CDH18: variants seen among roughly 807,000 people sequenced by gnomAD.
CDH18 encodes cadherin 18, also known as cadherin-18.
A neutral mutation model predicts 67.9 loss-of-function variants in CDH18; 31 were observed. The ratio of observed to expected loss-of-function variants is 0.46; its 90% CI spans 0.34 to 0.62. The LOEUF (loss-of-function observed/expected upper bound fraction) is 0.62. Among genes scored for constraint, CDH18 ranks in the 20% least tolerant of loss-of-function variants. CDH18 has a pLI of 0.01. For synonymous variants in CDH18, 362 were observed against 347.2 expected (o/e 1.04, Z -0.48); for missense variants, 890 against 975.5 (o/e 0.91, Z 1.17).
At chr5:20,011,557 CT>C (rs920964868) in intron 2 of CDH18, among the ~76,000 whole-genome samples, 3 of 152,052 alleles carry the variant, frequency 2.0e-5, no homozygotes, top group African/African-American at 7.2e-5. Flanking sequence ...ATGCATCCAG[CT>C]TTTGATTATT....
chr5:19,959,672 C>T (rs576374667), intron 2 of CDH18, among the ~76,000 whole-genome samples: 10 of 152,050 alleles, frequency 6.6e-5, no homozygotes, highest in Middle Eastern at 3.4e-3. Context: ...AGACAGATTT[C>T]CAGAAGGAGA....
chr5:20,519,528 A>G (rs1351917709), intron 1 of CDH18, among the ~76,000 whole-genome samples: 1 of 152,138 alleles, frequency 6.6e-6, no homozygotes, highest in South Asian at 2.1e-4. Flanking sequence ...CTAAATGATG[A>G]GTTAATGGGT....
chr5:20,466,536 A>C (rs1270202964), intron 1 of CDH18, among the ~76,000 whole-genome samples: 2 of 152,124 alleles, frequency 1.3e-5, no homozygotes, highest in Non-Finnish European at 2.9e-5. Flanking sequence ...ATACATATTG[A>C]ATAAGAATGA....
At chr5:19,783,491 A>G (rs1775361318) in intron 3 of CDH18, among the ~76,000 whole-genome samples, 1 of 152,196 alleles carries the variant, frequency 6.6e-6, no homozygotes, top group Non-Finnish European at 1.5e-5. Flanking sequence ...GAGTTTAAAT[A>G]ACTGCATCTC....
chr5:19,699,295 T>C (rs1218085177), intron 5 of CDH18, among the ~76,000 whole-genome samples: 3 of 152,150 alleles, frequency 2.0e-5, no homozygotes, highest in Admixed American at 6.5e-5. Flanking sequence ...AATTGATCTA[T>C]GAAAGGCTAG....
intron 1 of CDH18, among the ~76,000 whole-genome samples, chr5:20,402,259 T>C (rs1030299536): frequency 6.6e-6 from 1 of 152,168 alleles, no homozygotes; most frequent in Non-Finnish European, 1.5e-5. Context: ...TGTCTCTCAA[T>C]CTGAGATGAA....
intron 2 of CDH18, among the ~76,000 whole-genome samples, chr5:19,976,918 T>A (rs1175528860): frequency 6.6e-6 from 1 of 152,144 alleles, no homozygotes; most frequent in African/African-American, 2.4e-5. Context: ...TAGAGTAGTA[T>A]GGATTAAATA....
intron 1 of CDH18, among the ~76,000 whole-genome samples, chr5:20,411,369 T>C (rs748134069): frequency 1.3e-5 from 2 of 149,784 alleles, no homozygotes; most frequent in Admixed American, 6.8e-5. Flanking sequence ...TTCAACTAAT[T>C]GTGTTAAGAA....
chr5:20,424,414 T>G (rs1227988647), intron 1 of CDH18, among the ~76,000 whole-genome samples: 1 of 150,798 alleles, frequency 6.6e-6, no homozygotes, highest in Non-Finnish European at 1.5e-5. Flanking sequence ...ATTATCTTTT[T>G]TTTTTGTTTC....
chr5:19,849,472 C>T (rs1438446774), intron 2 of CDH18, among the ~76,000 whole-genome samples: 1 of 151,426 alleles, frequency 6.6e-6, no homozygotes, highest in Non-Finnish European at 1.5e-5. Context: ...AATTGAACCA[C>T]CAATTAAATC....
chr5:20,491,884 A>T (rs183509747), intron 1 of CDH18, among the ~76,000 whole-genome samples: 138 of 152,292 alleles, frequency 9.1e-4, no homozygotes, highest in Admixed American at 1.8e-3. Flanking sequence ...GTAACAATTA[A>T]ATTATGGGCC....
At chr5:19,761,774 A>G (rs1192501569) in intron 3 of CDH18, among the ~76,000 whole-genome samples, 2 of 152,180 alleles carry the variant, frequency 1.3e-5, no homozygotes, top group Admixed American at 6.5e-5. Context: ...AAAAGAGCCC[A>G]CATTGCCAAG....
chr5:19,567,024 A>G (rs915170106), intron 8 of CDH18, among the ~76,000 whole-genome samples: 2 of 152,228 alleles, frequency 1.3e-5, no homozygotes, highest in South Asian at 4.1e-4. Flanking sequence ...AGGAGCTAAA[A>G]TTAGAACAAT....
At chr5:20,520,479 G>A (rs1755678929) in intron 1 of CDH18, among the ~76,000 whole-genome samples, 1 of 152,134 alleles carries the variant, frequency 6.6e-6, no homozygotes. Flanking sequence ...TCCCACCTGA[G>A]AGGAATCAGA....
intron 5 of CDH18, among the ~76,000 whole-genome samples, chr5:19,623,360 T>A (rs1750994290): frequency 6.6e-6 from 1 of 152,204 alleles, no homozygotes; most frequent in African/African-American, 2.4e-5. Context: ...ATGCTATTTA[T>A]GGGATACTAT....
intron 5 of CDH18, among the ~76,000 whole-genome samples, chr5:19,667,770 A>G (rs548678464): frequency 2.0e-5 from 3 of 151,832 alleles, no homozygotes; most frequent in African/African-American, 7.2e-5. Flanking sequence ...GAAATATTTT[A>G]CCAATATATT....
intron 1 of CDH18, among the ~76,000 whole-genome samples, chr5:20,285,650 TG>T (rs1209091972): frequency 1.3e-5 from 2 of 151,410 alleles, no homozygotes; most frequent in African/African-American, 2.4e-5. Context: ...TGCCCCCTTT[TG>T]TGGAGGCCAG....
rs1231906166 is a variant in CDH18 at position 19,840,479 on chromosome 5, G to A, written c.-256-1237C>T. On this transcript the variant is annotated intron_variant, in intron 2 of 12. Transcript: ENST00000382275. ...GCATTTTGGAAGGCTGAGGCAGGCA[G>A]ATCACTTGAGGTCAGGAGTTTGAGG... 3.9e-5 allele frequency among the ~76,000 whole-genome samples: 6 copies of A among 152,020 alleles called. No individual in the cohort carries two copies. The South Asian group carries it at 6.2e-4, about 16-fold the overall frequency.
chr5:19,567,326 G>A (rs2149914021), intron 8 of CDH18, among the ~76,000 whole-genome samples: 1 of 152,162 alleles, frequency 6.6e-6, no homozygotes, highest in African/African-American at 2.4e-5. Flanking sequence ...TTTATAAAAG[G>A]ACAATGGTAA....
Sources: gnomAD v4.1 joint callset for allele counts (sites outside exome capture counted in the v4.1 genomes callset) on GRCh38, gnomAD v4.1.1 for gene constraint, MANE v1.5 for transcripts, NCBI Gene and HGNC (gene_info 2026-07-23, HGNC 2026-07-21) for gene names.